Variants in SLC19A2 observed in about 807,000 individuals in gnomAD.
SLC19A2 encodes the protein solute carrier family 19 member 2.
Under a neutral mutation model 44.7 loss-of-function variants are expected in SLC19A2, and 27 were observed. The ratio of observed to expected loss-of-function variants is 0.60; its 90% CI spans 0.45 to 0.83. The LOEUF is 0.83. Ranked by LOEUF, SLC19A2 falls within the 40% of genes least tolerant of loss-of-function variation. The pLI is 0.00. For missense variants in SLC19A2, 566 were observed against 613.7 expected (o/e 0.92, Z 0.82); for synonymous variants, 239 against 243.6 (o/e 0.98, Z 0.18).
chr1:169,477,770 GAAAAAAA>G lies in SLC19A2; in HGVS notation c.205-20_205-14del, dbSNP rs755410874. The G allele has an allele frequency of 8.1e-6, 10 of 1,237,638 alleles. No homozygotes were observed. The highest frequency in any genetic ancestry group is 1.1e-5 in the Non-Finnish European group (10 of 911,848). 76.7% of individuals were successfully genotyped at this position (1,237,638 alleles called of 1,614,324 possible). ...TTTCATTGAAGACCTGGTAGAAAGA[GAAAAAAA>G]AAAAACAAAAAACATTAGTGATGAA... On this transcript the variant is annotated splice_polypyrimidine_tract_variant and intron_variant, in intron 1 of 5. Transcript: ENST00000236137.
chr1:169,465,877 T>G lies in SLC19A2; in HGVS notation c.1466A>C (p.Gln489Pro). ...MKKCRKLEDP[Q>P]SSSQVTTS ...TGAAGTGGTTACTTGAGAACTTGAT[T>G]GTGGATCTTCCAGCTTTCTACATTT... The change falls in exon 6 of 6, where the codon CAA (glutamine) becomes CCA (proline). Residue 489 changes from glutamine (Q) to proline (P), a missense_variant. Transcript: ENST00000236137. 6.2e-7 allele frequency: 1 copy of G among 1,614,058 alleles called. No individual in the cohort carries two copies. The highest frequency in any genetic ancestry group is 8.5e-7 in the Non-Finnish European group (1 of 1,179,922).
intron 5 of SLC19A2, among the ~76,000 whole-genome samples, chr1:169,467,023 C>T (rs1181861862): frequency 6.6e-6 from 1 of 152,106 alleles, no homozygotes; most frequent in Non-Finnish European, 1.5e-5. Flanking sequence ...GTTAGGGTTT[C>T]AGCACCACCC....
intron 2 of SLC19A2, 148 bp from the exon 3 acceptor site, chr1:169,470,334 C>G (rs1658141047): frequency 1.4e-6 from 1 of 733,254 alleles, no homozygotes; most frequent in Admixed American, 2.2e-5. Flanking sequence ...ATACATTTAT[C>G]CCCTCTGGCG....
Position 169,468,667 on chromosome 1 carries a change from G to A in SLC19A2, c.1200C>T (p.Tyr400=), listed in dbSNP as rs376962780. 2 of 1,613,704 alleles carry A rather than the reference G, an allele frequency of 1.2e-6. No homozygotes were observed. ...ACGTTGCTATCGTGATGAGTAACAT[G>A]TAGATGATTCTGAAGACAACATAGG... The part of the protein sequence containing the change: ...YASYVVFRII[Y]MLLITIATFQ... Residue 400 remains tyrosine, a synonymous_variant, in exon 4 of 6, where the codon TAC becomes TAT. Coordinates refer to ENST00000236137, the MANE Select transcript of SLC19A2 (RefSeq NM_006996.3).
At position 169,485,914 on chromosome 1, in the gene SLC19A2, G is replaced by T. The variant is rs967219155; in HGVS notation, c.-148C>A. ...GGACTCGCCGCCGCCTCCGGCTACA[G>T]AACCCCCAGCTTTACCCTACAGACG... On this transcript the variant is annotated 5_prime_UTR_variant, in exon 1 of 6. The change creates a new upstream start codon in the 5' untranslated region. Transcript: ENST00000236137. 2.1e-6 allele frequency: 2 copies of T among 954,204 alleles called. No homozygotes were observed. Among genetic ancestry groups the T allele is most frequent in the Non-Finnish European group, 3.0e-6 (2 of 659,832 alleles). 59.1% of individuals were successfully genotyped at this position (954,204 alleles called of 1,614,324 possible). A position where few individuals can be genotyped will look rare whatever the true frequency, so the allele number is the denominator to read the frequency against.
intron 5 of SLC19A2, among the ~76,000 whole-genome samples, chr1:169,466,300 T>C (rs1026247919): frequency 1.3e-5 from 2 of 152,220 alleles, no homozygotes; most frequent in African/African-American, 4.8e-5. Context: ...AGTGAGATCA[T>C]AAATGCTTAT....
Position 169,484,239 on chromosome 1 carries a change from C to T in SLC19A2, c.204+1324G>A, listed in dbSNP as rs189057682. Among the ~76,000 whole-genome samples the T allele has an allele frequency of 1.4e-4, 22 of 152,256 alleles. No homozygotes were observed. In the East Asian group the frequency reaches 1.5e-3, roughly 11 times the overall value. ...CTCTCTCAAGTGCCCTTGAAAATGA[C>T]GGAGCATTGCAACAAACAAACTGCA... is the stretch of plus-strand genomic sequence containing the variant. On this transcript the variant is annotated intron_variant, in intron 1 of 5. Coordinates refer to ENST00000236137, the MANE Select transcript of SLC19A2 (RefSeq NM_006996.3).
chr1:169,470,947 G>A (rs1466224026), intron 2 of SLC19A2, among the ~76,000 whole-genome samples: 1 of 151,886 alleles, frequency 6.6e-6, no homozygotes, highest in Non-Finnish European at 1.5e-5. Context: ...GGAAGGCCGG[G>A]TGTAGTGACT....
rs201711409 is a variant in SLC19A2 at position 169,468,088 on chromosome 1, C to T, written c.1365+23G>A. ...CTGATCAAGTCACACATACTACCTT[C>T]GATGCCAAAGGAGAGATCTTACCTG... On this transcript the variant is annotated intron_variant, in intron 5 of 5. Coordinates refer to ENST00000236137, the MANE Select transcript of SLC19A2 (RefSeq NM_006996.3). 1.3e-5 allele frequency: 21 copies of T among 1,613,016 alleles called. No homozygotes were observed. The East Asian group carries it at 3.6e-4, about 27-fold the overall frequency.
chr1:169,468,947 G>C (rs1658101842), intron 3 of SLC19A2, 111 bp from the exon 4 acceptor site: 7 of 938,778 alleles, frequency 7.5e-6, no homozygotes, highest in Middle Eastern at 3.2e-4. Context: ...CTTATAAACA[G>C]AATAGCTCAA....
At chr1:169,469,849 C>A in intron 3 of SLC19A2, 115 bp downstream of exon 3, 1 of 960,916 alleles carries the variant, frequency 1.0e-6, no homozygotes, top group Non-Finnish European at 1.7e-6. Flanking sequence ...TCAAAATAAT[C>A]ATTTTTTGAG....
Position 169,465,987 on chromosome 1 carries a change from G to T in SLC19A2, c.1366-10C>A. On this transcript the variant is annotated splice_polypyrimidine_tract_variant and intron_variant, in intron 5 of 5. Coordinates refer to ENST00000236137, the MANE Select transcript of SLC19A2 (RefSeq NM_006996.3). Reference sequence around the variant, plus strand: ...TGGCATAGATCAAAAACTAGAAGGGGGAAAAGCAGTTTATTGAATTATCAA... The same window carrying T: ...TGGCATAGATCAAAAACTAGAAGGGTGAAAAGCAGTTTATTGAATTATCAA... 2 of 1,613,810 alleles carry T rather than the reference G, an allele frequency of 1.2e-6. No individual in the cohort carries two copies. The highest frequency in any genetic ancestry group is 1.1e-5 in the South Asian group (1 of 91,066).
chr1:169,480,015 C>T (rs943374192), intron 1 of SLC19A2, among the ~76,000 whole-genome samples: 1 of 152,210 alleles, frequency 6.6e-6, no homozygotes, highest in Non-Finnish European at 1.5e-5. Flanking sequence ...TTAATGGCCT[C>T]ACCTTCATGA....
rs1191792744 is a variant in SLC19A2 at position 169,465,871 on chromosome 1, C to T, written c.1472G>A (p.Ser491Asn). Residue 491 changes from serine to asparagine, a missense_variant, in exon 6 of 6, where the codon AGT becomes AAT. Ser to Asn is a conservative substitution (Grantham distance 46). Coordinates refer to ENST00000236137, the MANE Select transcript of SLC19A2 (RefSeq NM_006996.3). ...ATATTATGAAGTGGTTACTTGAGAA[C>T]TTGATTGTGGATCTTCCAGCTTTCT... ...KCRKLEDPQS[S>N]SQVTTS The T allele has an allele frequency of 1.2e-6, 2 of 1,613,990 alleles. No individual in the cohort carries two copies. Among genetic ancestry groups the T allele is most frequent in the Non-Finnish European group, 1.7e-6 (2 of 1,179,920 alleles).
intron 5 of SLC19A2, among the ~76,000 whole-genome samples, chr1:169,466,642 C>G (rs543832587): frequency 6.6e-6 from 1 of 152,022 alleles, no homozygotes; most frequent in South Asian, 2.1e-4. Context: ...GTTTTAAGCC[C>G]TGCATACATT....
rs191094226 is a variant in SLC19A2 at position 169,476,446 on chromosome 1, C to T, written c.807+709G>A. The stretch of plus-strand genomic sequence containing the variant: ...ATACTGTGGGCTTCATGACTGGGTG[C>T]GGTGGCTCACGCCTGTAATCCCAGC... On this transcript the variant is annotated intron_variant, in intron 2 of 5. Coordinates refer to ENST00000236137, the MANE Select transcript of SLC19A2 (RefSeq NM_006996.3). Among the ~76,000 whole-genome samples the T allele has an allele frequency of 3.0e-3, 456 of 152,232 alleles. 3 individuals are homozygous for T. Among genetic ancestry groups the T allele is most frequent in the African/African-American group, 0.01 (423 of 41,544 alleles).
chr1:169,479,108 T>C (rs143752400), intron 1 of SLC19A2, among the ~76,000 whole-genome samples: 2 of 152,348 alleles, frequency 1.3e-5, no homozygotes, highest in East Asian at 3.9e-4. Flanking sequence ...ATAAATGCTT[T>C]GAAAACGGAA....
chr1:169,477,776 AAAAAAAC>A lies in SLC19A2; in HGVS notation c.205-26_205-20del, dbSNP rs1050747385. The A allele has an allele frequency of 1.9e-6, 3 of 1,591,770 alleles. No individual in the cohort carries two copies. The highest frequency in any genetic ancestry group is 1.4e-5 in the African/African-American group (1 of 73,924). Reference sequence around the variant, plus strand: ...TGAAGACCTGGTAGAAAGAGAAAAAAAAAAAACAAAAAACATTAGTGATGAAAGGACC... The same window carrying A: ...TGAAGACCTGGTAGAAAGAGAAAAAAAAAAAACATTAGTGATGAAAGGACC... On this transcript the variant is annotated intron_variant, in intron 1 of 5. Coordinates refer to ENST00000236137, the MANE Select transcript of SLC19A2 (RefSeq NM_006996.3).
intron 2 of SLC19A2, among the ~76,000 whole-genome samples, chr1:169,476,675 G>A (rs1054419273): frequency 6.6e-5 from 10 of 152,012 alleles, no homozygotes; most frequent in Non-Finnish European, 1.5e-4. Flanking sequence ...AATCGAGATC[G>A]CACCACTGTT....
Sources: allele counts gnomAD v4.1 joint callset (sites outside exome capture counted in the v4.1 genomes callset), GRCh38; gene constraint gnomAD v4.1.1; transcripts MANE v1.5; gene names NCBI Gene and HGNC (gene_info 2026-07-23, HGNC 2026-07-21).